LRRC28: variants seen among roughly 807,000 people sequenced by gnomAD.
The protein encoded by LRRC28 is leucine rich repeat containing 28.
Under a neutral mutation model 45.7 loss-of-function variants are expected in LRRC28, and 39 were observed. The ratio of observed to expected loss-of-function variants is 0.85; its 90% CI spans 0.66 to 1.12. The LOEUF (loss-of-function observed/expected upper bound fraction) is 1.12, where lower values mean the gene tolerates loss of function less well. Among genes scored for constraint, LRRC28 ranks in the 50% most tolerant of loss-of-function variants. The pLI is 0.00. For missense variants in LRRC28, 435 were observed against 438.5 expected, an observed-to-expected ratio of 0.99 and a Z score of 0.07; for synonymous variants, 206 against 178.8, an observed-to-expected ratio of 1.15 and a Z score of -1.22.
rs573971296 is a variant in LRRC28, at chr15:99,352,569, G to A, written c.695+98G>A. 5.3e-4 allele frequency: 480 copies of A among 908,042 alleles called. 9 individuals carry two copies. In the South Asian group the frequency reaches 7.5e-3, roughly 14 times the overall value. The allele number at this position is 908,042 out of a possible 1,614,324, so 56.2% of individuals were successfully genotyped here. A position where few individuals can be genotyped will look rare whatever the true frequency, so the allele number is the denominator to read the frequency against. ...TGCCCTTGATGATATGCTAAACCAG[G>A]TATCCTTAGAAACTAAGGATATTGG... On this transcript the variant is annotated intron_variant, in intron 7 of 9. Transcript: ENST00000301981.
intron 5 of LRRC28, among the ~76,000 whole-genome samples, chr15:99,312,574 A>G (rs1354260400): frequency 6.6e-6 from 1 of 152,204 alleles, no homozygotes; most frequent in Non-Finnish European, 1.5e-5. Context: ...GTATAGTCTA[A>G]TTAATAAACC....
intron 5 of LRRC28, among the ~76,000 whole-genome samples, chr15:99,295,887 A>C (rs2082249085): frequency 6.6e-6 from 1 of 152,158 alleles, no homozygotes; most frequent in South Asian, 2.1e-4. Context: ...TTTTCTTAAA[A>C]TTTACTTTTT....
At chr15:99,329,247 T>C (rs1447504118) in intron 5 of LRRC28, among the ~76,000 whole-genome samples, 2 of 152,248 alleles carry the variant, frequency 1.3e-5, no homozygotes, top group Admixed American at 6.5e-5. Context: ...AATCACTTAA[T>C]TGTAATGGTA....
intron 5 of LRRC28, among the ~76,000 whole-genome samples, chr15:99,290,624 CT>C (rs934311817): frequency 8.4e-4 from 127 of 152,030 alleles, no homozygotes; most frequent in African/African-American, 2.7e-3. Flanking sequence ...TATTTATGAA[CT>C]TTTTTTTACA....
At chr15:99,253,005 A>T (rs534420356) in intron 1 of LRRC28, among the ~76,000 whole-genome samples, 1 of 152,346 alleles carries the variant, frequency 6.6e-6, no homozygotes, top group South Asian at 2.1e-4. Context: ...TTTATTGACA[A>T]TAGACAGATG....
chr15:99,340,560 T>C (rs1362103552), intron 6 of LRRC28, among the ~76,000 whole-genome samples: 1 of 152,282 alleles, frequency 6.6e-6, no homozygotes, highest in East Asian at 1.9e-4. Flanking sequence ...TAAACTGTAC[T>C]GTACTGAACT....
At chr15:99,317,174 A>T (rs1955629235) in intron 5 of LRRC28, among the ~76,000 whole-genome samples, 1 of 152,196 alleles carries the variant, frequency 6.6e-6, no homozygotes, top group Admixed American at 6.5e-5. Flanking sequence ...GGTCCAAAAT[A>T]ATTCCTTTTT....
chr15:99,350,795 C>T (rs1956853855), intron 6 of LRRC28, among the ~76,000 whole-genome samples: 1 of 152,100 alleles, frequency 6.6e-6, no homozygotes, highest in Non-Finnish European at 1.5e-5. Context: ...TTTCTTTTTT[C>T]TCTCTCTCTT....
intron 5 of LRRC28, among the ~76,000 whole-genome samples, chr15:99,301,922 A>G (rs1057480034): frequency 1.3e-5 from 2 of 152,150 alleles, no homozygotes; most frequent in Non-Finnish European, 2.9e-5. Context: ...TGTGTGTTCC[A>G]TACATCACTT....
At position 99,338,747 on chromosome 15, in the gene LRRC28, G is replaced by C. The variant is rs1471115770; in HGVS notation, c.592+4618G>C. Among the ~76,000 whole-genome samples the C allele has an allele frequency of 2.6e-5, 4 of 152,168 alleles. No homozygotes were observed. The East Asian group carries it at 7.7e-4, about 29-fold the overall frequency. The stretch of plus-strand genomic sequence containing the variant: ...ATAGCCTCTTCAAAAGGTAACTAGA[G>C]ACACCACCTGTAAGGATGACTTAAA... On this transcript the variant is annotated intron_variant, in intron 6 of 9. Transcript: ENST00000301981.
intron 5 of LRRC28, among the ~76,000 whole-genome samples, chr15:99,314,274 G>A (rs967530721): frequency 1.1e-4 from 17 of 151,894 alleles, no homozygotes; most frequent in African/African-American, 4.1e-4. Context: ...ATGAAACCCT[G>A]TCTCCATAAA....
chr15:99,349,992 C>G (rs967385598), intron 6 of LRRC28, among the ~76,000 whole-genome samples: 1 of 151,070 alleles, frequency 6.6e-6, no homozygotes, highest in Admixed American at 6.6e-5. Context: ...AAAAATTAGC[C>G]GGGCGCGGTG....
intron 1 of LRRC28, 72 bp from the exon 2 acceptor site, chr15:99,255,826 G>C: frequency 2.2e-6 from 2 of 897,140 alleles, no homozygotes; most frequent in East Asian, 2.7e-5. Flanking sequence ...GTGGCTCTGT[G>C]TGCTAACTGG....
At chr15:99,293,277 T>C (rs1458854733) in intron 5 of LRRC28, among the ~76,000 whole-genome samples, 5 of 152,102 alleles carry the variant, frequency 3.3e-5, no homozygotes, top group African/African-American at 1.2e-4. Flanking sequence ...TTAGATAATA[T>C]TATTTTTGCA....
chr15:99,261,629 T>C (rs966275468), intron 2 of LRRC28, among the ~76,000 whole-genome samples: 1 of 152,080 alleles, frequency 6.6e-6, no homozygotes, highest in African/African-American at 2.4e-5. Flanking sequence ...CCACCTCTTT[T>C]ATTAATTTTA....
intron 5 of LRRC28, among the ~76,000 whole-genome samples, chr15:99,322,944 A>T (rs1341611502): frequency 2.0e-5 from 3 of 152,188 alleles, no homozygotes. Flanking sequence ...AGAGGCTTTG[A>T]CCACTTTGTT....
rs903792222 is a variant in LRRC28 at position 99,366,505 on chromosome 15, C to T, written c.1031+3240C>T. Among the ~76,000 whole-genome samples, 4 of 152,172 alleles carry T rather than the reference C, an allele frequency of 2.6e-5. No individual in the cohort carries two copies. In the East Asian group the frequency reaches 7.7e-4, roughly 29 times the overall value. On this transcript the variant is annotated intron_variant, in intron 9 of 9. Coordinates refer to ENST00000301981, the MANE Select transcript of LRRC28 (RefSeq NM_144598.5). The stretch of plus-strand genomic sequence containing the variant: ...GGCTTAAACAGCAGAAATTATTTTC[C>T]CATAGTTCTGGAGGAAAGAAGTCTG...
chr15:99,329,933 A>T (rs1223458731), intron 5 of LRRC28, among the ~76,000 whole-genome samples: 1 of 152,186 alleles, frequency 6.6e-6, no homozygotes, highest in Non-Finnish European at 1.5e-5. Flanking sequence ...CCATGCACCT[A>T]TGATTAATAT....
At position 99,346,995 on chromosome 15, in the gene LRRC28, A is replaced by G. The variant is rs368376548; in HGVS notation, c.593-5374A>G. Among the ~76,000 whole-genome samples the G allele has an allele frequency of 1.6e-4, 25 of 152,324 alleles. No individual in the cohort carries two copies. In the East Asian group the frequency reaches 2.3e-3, roughly 14 times the overall value. On this transcript the variant is annotated intron_variant, in intron 6 of 9. Transcript: ENST00000301981. ...GGTTACTGTAGACAAACAAATGAAC[A>G]TATCTATCATCTCACATAGTTTTTC...
Sources: allele counts gnomAD v4.1 joint callset (sites outside exome capture counted in the v4.1 genomes callset), GRCh38; gene constraint gnomAD v4.1.1; transcripts MANE v1.5; gene names NCBI Gene and HGNC (gene_info 2026-07-23, HGNC 2026-07-21).